CFAP61: variants seen among roughly 807,000 people sequenced by gnomAD.
CFAP61 encodes cilia- and flagella-associated protein 61.
CFAP61 carries 107 observed loss-of-function variants against 135.6 expected under a neutral mutation model. That is an observed-to-expected ratio of 0.79 (90% CI 0.67 to 0.93). The LOEUF (loss-of-function observed/expected upper bound fraction) is 0.93. CFAP61 is among the 40% of genes least tolerant of loss of function. CFAP61 has a pLI of 0.00. For synonymous variants in CFAP61, 575 were observed against 578.5 expected (o/e 0.99, Z 0.09); for missense variants, 1,507 against 1,556.2 (o/e 0.97, Z 0.53).
intron 6 of CFAP61, among the ~76,000 whole-genome samples, chr20:20,084,223 C>T (rs979506896): frequency 1.4e-5 from 2 of 138,698 alleles, no homozygotes; most frequent in Non-Finnish European, 2.9e-5. Context: ...TCTTAAAATA[C>T]ACACACACAC....
At chr20:20,296,330 T>TCCTTCCTTGCTTCCTTCCTTCCTTC (rs1569260741) in intron 24 of CFAP61, among the ~76,000 whole-genome samples, 664 of 39,342 alleles carry the variant, frequency 0.017, 10 homozygotes, top group Middle Eastern at 0.028. Flanking sequence ...TTCCTTCCCT[T>TCCTTCCTTGCTTCCTTCCTTCCTTC]CCTTCCTTCC....
chr20:20,076,617 G>T (rs922616204), intron 6 of CFAP61, among the ~76,000 whole-genome samples: 1 of 152,244 alleles, frequency 6.6e-6, no homozygotes, highest in Non-Finnish European at 1.5e-5. Context: ...AGAGGTGGTT[G>T]CTTGGCTTAT....
intron 21 of CFAP61, 66 bp downstream of exon 21, chr20:20,263,196 T>TG: frequency 8.5e-7 from 1 of 1,181,298 alleles, no homozygotes; most frequent in Non-Finnish European, 1.2e-6. Flanking sequence ...AGTCTCATTC[T>TG]TCATCTAGTT....
chr20:20,267,197 A>C (rs2052825050), intron 21 of CFAP61, among the ~76,000 whole-genome samples: 1 of 148,828 alleles, frequency 6.7e-6, no homozygotes, highest in Non-Finnish European at 1.5e-5. Flanking sequence ...GGACAGGATA[A>C]GAAGAGAGAG....
chr20:20,129,879 A>G (rs1270908134), intron 8 of CFAP61, among the ~76,000 whole-genome samples: 2 of 151,636 alleles, frequency 1.3e-5, no homozygotes, highest in South Asian at 4.1e-4. Flanking sequence ...CTACATTTTC[A>G]GTAGCAAATG....
chr20:20,277,101 A>G (rs1038850189), intron 21 of CFAP61, 65 bp from the exon 22 acceptor site: 16 of 1,289,140 alleles, frequency 1.2e-5, no homozygotes, highest in Admixed American at 2.0e-5. Flanking sequence ...CGGCATTATT[A>G]GCATTTGACT....
intron 20 of CFAP61, chr20:20,253,946 TC>T (rs2051220641): frequency 7.2e-6 from 1 of 139,300 alleles, no homozygotes; most frequent in East Asian, 2.2e-4. Context: ...CTCTGAAGAA[TC>T]TCTCTCCTCC....
intron 8 of CFAP61, among the ~76,000 whole-genome samples, chr20:20,115,412 A>G (rs1239832607): frequency 6.6e-6 from 1 of 151,970 alleles, no homozygotes; most frequent in Non-Finnish European, 1.5e-5. Context: ...ATCACCTTAA[A>G]TATTTGTCTC....
intron 15 of CFAP61, among the ~76,000 whole-genome samples, chr20:20,196,208 G>A (rs558636686): frequency 1.9e-4 from 29 of 152,326 alleles, no homozygotes; most frequent in African/African-American, 5.8e-4. Context: ...CACAGGCTCC[G>A]TCTCTTGTGC....
chr20:20,081,427 A>G (rs767423732), intron 6 of CFAP61, among the ~76,000 whole-genome samples: 17 of 152,214 alleles, frequency 1.1e-4, no homozygotes, highest in Non-Finnish European at 2.1e-4. Flanking sequence ...TAAATCCAAC[A>G]CTGAAAATGA....
chr20:20,161,884 A>G (rs1018537421), intron 10 of CFAP61, among the ~76,000 whole-genome samples: 2 of 113,730 alleles, frequency 1.8e-5, no homozygotes, highest in Non-Finnish European at 3.7e-5. Flanking sequence ...CGCCCTCTCA[A>G]TGCCAGGAGC....
chr20:20,122,399 C>T (rs1196210202), intron 8 of CFAP61, among the ~76,000 whole-genome samples: 2 of 152,148 alleles, frequency 1.3e-5, no homozygotes, highest in Admixed American at 1.3e-4. Context: ...TCGTGATCTT[C>T]CCGCCTCAGC....
intron 15 of CFAP61, among the ~76,000 whole-genome samples, chr20:20,194,702 T>G (rs2056163622): frequency 6.6e-6 from 1 of 152,162 alleles, no homozygotes; most frequent in African/African-American, 2.4e-5. Context: ...GCCCCTCTTT[T>G]TGATTGGGAG....
At position 20,360,444 on chromosome 20, in the gene CFAP61, TTA is replaced by T. The variant is rs961164913; in HGVS notation, c.*36_*37del. The stretch of plus-strand genomic sequence containing the variant: ...AGGGTCTCCCCTTTATGGTTTTCAT[TTA>T]TTTAGTTCCTGGAAACGCGCTCTGT... On this transcript the variant is annotated 3_prime_UTR_variant, in exon 27 of 27. Coordinates refer to ENST00000245957, the MANE Select transcript of CFAP61 (RefSeq NM_015585.4). 2 of 1,589,504 alleles carry T rather than the reference TTA, an allele frequency of 1.3e-6. No homozygotes were observed. The highest frequency in any genetic ancestry group is 2.7e-5 in the African/African-American group (2 of 74,096).
At chr20:20,342,996 G>A (rs2058501042) in intron 26 of CFAP61, among the ~76,000 whole-genome samples, 1 of 152,062 alleles carries the variant, frequency 6.6e-6, no homozygotes, top group South Asian at 2.1e-4. Flanking sequence ...GAGTAGCTGG[G>A]ATTACAGGCA....
At chr20:20,071,889 A>C (rs1410195384) in intron 3 of CFAP61, among the ~76,000 whole-genome samples, 2 of 152,148 alleles carry the variant, frequency 1.3e-5, no homozygotes, top group Admixed American at 6.5e-5. Context: ...GCAAACTTGG[A>C]AATAGACCAA....
intron 26 of CFAP61, among the ~76,000 whole-genome samples, chr20:20,356,462 T>G (rs1260298569): frequency 7.6e-6 from 1 of 131,628 alleles, no homozygotes. Flanking sequence ...TGAGGGGAGG[T>G]GGTCACACTG....
intron 13 of CFAP61, among the ~76,000 whole-genome samples, chr20:20,183,349 A>T (rs1251179197): frequency 6.6e-6 from 1 of 152,014 alleles, no homozygotes; most frequent in Admixed American, 6.6e-5. Flanking sequence ...TTTAGTAGAG[A>T]TGGAGTTTCA....
At chr20:20,071,230 C>T (rs764034853) in intron 3 of CFAP61, among the ~76,000 whole-genome samples, 2 of 152,130 alleles carry the variant, frequency 1.3e-5, no homozygotes, top group African/African-American at 4.8e-5. Flanking sequence ...AGGCCTGGAT[C>T]GTGCTTCACT....
Sources: allele counts gnomAD v4.1 joint callset (sites outside exome capture counted in the v4.1 genomes callset), GRCh38; gene constraint gnomAD v4.1.1; transcripts MANE v1.5; gene names NCBI Gene and HGNC (gene_info 2026-07-23, HGNC 2026-07-21).